Variants in EPHB6 observed in about 807,000 individuals in gnomAD.
The protein encoded by EPHB6 is ephrin type-B receptor 6.
Under a neutral mutation model 107.0 loss-of-function variants are expected in EPHB6, and 51 were observed. The observed-to-expected ratio is 0.48, with a 90% CI of 0.38 to 0.60. EPHB6 has a LOEUF of 0.60. Among genes scored for constraint, EPHB6 ranks in the 20% least tolerant of loss-of-function variants. EPHB6 has a pLI of 0.00. For synonymous variants in EPHB6, 553 were observed against 549.0 expected, an observed-to-expected ratio of 1.01 and a Z score of -0.10; for missense variants, 1,141 against 1,355.5, an observed-to-expected ratio of 0.84 and a Z score of 2.48.
chr7:142,868,133 T>C lies in EPHB6; in HGVS notation c.1918+84T>C. Reference sequence around the variant, plus strand: ...AGGCAAGGCTGGATCCCCCCAAGATTGGGGGAGCTCCTTGGCACAACCTTC... The same window carrying C: ...AGGCAAGGCTGGATCCCCCCAAGATCGGGGGAGCTCCTTGGCACAACCTTC... On this transcript the variant is annotated intron_variant, in intron 13 of 19. Coordinates refer to ENST00000652003, the MANE Select transcript of EPHB6 (RefSeq NM_004445.6). This position sits in a 1 kb window ranked among gnomAD's most constrained non-coding sequence, Gnocchi z 4.2. 1 of 1,613,184 alleles carries C rather than the reference T, an allele frequency of 6.2e-7. No homozygotes were observed. The highest frequency in any genetic ancestry group is 8.5e-7 in the Non-Finnish European group (1 of 1,179,338).
At position 142,869,249 on chromosome 7, in the gene EPHB6, G is replaced by A. The variant is rs747734466; in HGVS notation, c.2460+102G>A. The stretch of plus-strand genomic sequence containing the variant: ...GGAATCTGGGGTAGGTACCTCAGCC[G>A]GGGTGTCATAGTCCCTGAAAGGAGG... On this transcript the variant is annotated intron_variant, in intron 16 of 19. Coordinates refer to ENST00000652003, the MANE Select transcript of EPHB6 (RefSeq NM_004445.6). This position sits in a 1 kb window ranked among gnomAD's most constrained non-coding sequence, Gnocchi z 4.5. 38 of 1,347,248 alleles carry A rather than the reference G, an allele frequency of 2.8e-5. No individual in the cohort carries two copies. Among genetic ancestry groups the A allele is most frequent in the Middle Eastern group, 2.2e-4 (1 of 4,636 alleles). The allele number at this position is 1,347,248 out of a possible 1,614,324, so 83.5% of individuals were successfully genotyped here. A position where few individuals can be genotyped will look rare whatever the true frequency, so the allele number is the denominator to read the frequency against.
chr7:142,867,727 GTC>G lies in EPHB6; in HGVS notation c.1865+6_1865+7del. On this transcript the variant is annotated splice_donor_region_variant and intron_variant, in intron 12 of 19. Transcript: ENST00000652003. The surrounding 1 kb of genome is among the most constrained non-coding windows in gnomAD (Gnocchi z 5.3). ...GCTGGCGGTCGTCTTCCAGCGGTGA[GTC>G]CCCACCCCTGCCCAACTCTGCCCAG... is the stretch of plus-strand genomic sequence containing the variant. 6.2e-7 allele frequency: 1 copy of G among 1,607,656 alleles called. No individual in the cohort carries two copies. The highest frequency in any genetic ancestry group is 8.5e-7 in the Non-Finnish European group (1 of 1,178,028).
At position 142,865,987 on chromosome 7, in the gene EPHB6, G is replaced by C. The variant is rs1336533417; in HGVS notation, c.1133G>C (p.Trp378Ser). The C allele has an allele frequency of 6.2e-7, 1 of 1,613,948 alleles. No homozygotes were observed. The change falls in exon 9 of 20, where the codon TGG becomes TCG. Residue 378 changes from tryptophan to serine, a missense_variant. Trp to Ser is a radical substitution (Grantham distance 177). This residue lies in a region of EPHB6 where 304 missense variants were observed against 295.7 expected (regional missense o/e 1.03). Coordinates refer to ENST00000652003, the MANE Select transcript of EPHB6 (RefSeq NM_004445.6). ...CCTCCATCGGCTCCCCAGGAGCTTT[G>C]GTTTGAGGTGCAAGGCTCAGCACTC... ...TGPPSAPQELWFEVQGSALML... is the reference protein window; with the variant it reads ...TGPPSAPQELSFEVQGSALML...
In EPHB6 at chr7:142,864,355, C is replaced by A. The variant is rs146978351; in HGVS notation, c.555C>A (p.His185Gln). 2.5e-4 allele frequency: 408 copies of A among 1,613,374 alleles called. 1 individual carries two copies. The Middle Eastern group carries it at 4.5e-3, about 18-fold the overall frequency. Residue 185 changes from histidine (H) to glutamine (Q), a missense_variant, in exon 7 of 20, where the codon CAC (histidine) becomes CAA (glutamine). By Grantham distance (24) the His-to-Gln change is conservative. Coordinates refer to ENST00000652003, the MANE Select transcript of EPHB6 (RefSeq NM_004445.6). Reference protein sequence around the residue: ...SSSAAWAVGPHGAGQRAGLQL... With the variant: ...SSSAAWAVGPQGAGQRAGLQL... Reference sequence around the variant, plus strand: ...CTGCAGCGTGGGCTGTGGGACCCCACGGGGCTGGGCAGCGGGCTGGACTGC... The same window carrying A: ...CTGCAGCGTGGGCTGTGGGACCCCAAGGGGCTGGGCAGCGGGCTGGACTGC...
At chr7:142,860,637 C>A (rs958464962) in intron 1 of EPHB6, among the ~76,000 whole-genome samples, 2 of 152,164 alleles carry the variant, frequency 1.3e-5, no homozygotes, top group Non-Finnish European at 2.9e-5. Context: ...GAGCAATTTG[C>A]CATATGGAAA....
intron 1 of EPHB6, among the ~76,000 whole-genome samples, chr7:142,857,072 C>T (rs1484311920): frequency 6.6e-6 from 1 of 152,222 alleles, no homozygotes; most frequent in Non-Finnish European, 1.5e-5. Flanking sequence ...TCCAGAGCCA[C>T]GCATGTCCCC....
Position 142,863,565 on chromosome 7 carries a change from T to C in EPHB6, c.101-66T>C, listed in dbSNP as rs1802953307. The C allele has an allele frequency of 2.6e-6, 4 of 1,564,996 alleles. No individual in the cohort carries two copies. The Admixed American group carries it at 5.0e-5, about 20-fold the overall frequency. On this transcript the variant is annotated intron_variant, in intron 5 of 19. Coordinates refer to ENST00000652003, the MANE Select transcript of EPHB6 (RefSeq NM_004445.6). ...GGCATTCTTTTGTTCGCGGTGGGAATAGAGTAGGGGCTGGCAGTGCTGGCT... is the reference window on the plus strand; with the variant it reads ...GGCATTCTTTTGTTCGCGGTGGGAACAGAGTAGGGGCTGGCAGTGCTGGCT...
chr7:142,865,048 T>C (rs1318668104), intron 7 of EPHB6, among the ~76,000 whole-genome samples: 1 of 152,210 alleles, frequency 6.6e-6, no homozygotes, highest in Non-Finnish European at 1.5e-5. Flanking sequence ...CCAGGGTTAC[T>C]ATGGAATAGA....
At position 142,871,059 on chromosome 7, in the gene EPHB6, C is replaced by G; in HGVS notation, c.*155C>G. On this transcript the variant is annotated 3_prime_UTR_variant, in exon 20 of 20. Transcript: ENST00000652003. Reference sequence around the variant, plus strand: ...CCTGGTCCTCCGCCTCTCCACCAGCCCCCTCCTCATTAAAGGGAAAGAAGG... The same window carrying G: ...CCTGGTCCTCCGCCTCTCCACCAGCGCCCTCCTCATTAAAGGGAAAGAAGG... 2 of 753,182 alleles carry G rather than the reference C, an allele frequency of 2.7e-6. No individual in the cohort carries two copies. The highest frequency in any genetic ancestry group is 2.7e-5 in the East Asian group (1 of 37,262). The allele number at this position is 753,182 out of a possible 1,614,324, so 46.7% of individuals were successfully genotyped here. A position where few individuals can be genotyped will look rare whatever the true frequency, so the allele number is the denominator to read the frequency against.
Position 142,869,118 on chromosome 7 carries a change from A to C in EPHB6, c.2431A>C (p.Lys811Gln). 6.2e-7 allele frequency: 1 copy of C among 1,613,606 alleles called. No individual in the cohort carries two copies. The highest frequency in any genetic ancestry group is 2.2e-5 in the East Asian group (1 of 44,866). The change falls in exon 16 of 20, where the codon AAG (lysine) becomes CAG (glutamine). Residue 811 changes from lysine (K) to glutamine (Q), a missense_variant. Lys to Gln is a moderately conservative substitution (Grantham distance 53). This residue lies in a region of EPHB6 where 616 missense variants were observed against 759.3 expected (regional missense o/e 0.81). Coordinates refer to ENST00000652003, the MANE Select transcript of EPHB6 (RefSeq NM_004445.6). This position sits in a 1 kb window ranked among gnomAD's most constrained non-coding sequence, Gnocchi z 4.5. ...GCTGGTGAATAGCCACTTGGTGTGC[A>C]AGGTGGCCCGTCTTGGCCACAGTCC... ...SVLVNSHLVC[K>Q]VARLGHSPQG...
rs766499559 is a variant in EPHB6, at chr7:142,863,299, C to G, written c.72C>G (p.Leu24=). ...AGMVCSLWVL[L]LVSSVLALEE... is the part of the protein sequence containing the mutation. ...TGGTGTGTAGCCTATGGGTGCTGCTCCTGGTGTCTTCAGTTCTGGCTCTGG... is the reference window on the plus strand; with the variant it reads ...TGGTGTGTAGCCTATGGGTGCTGCTGCTGGTGTCTTCAGTTCTGGCTCTGG... The change falls in exon 5 of 20, where the codon CTC becomes CTG. Residue 24 remains leucine (L), a synonymous_variant. Transcript: ENST00000652003. 1 of 1,613,636 alleles carries G rather than the reference C, an allele frequency of 6.2e-7. No individual in the cohort carries two copies. The highest frequency in any genetic ancestry group is 2.2e-5 in the East Asian group (1 of 44,888).
Position 142,865,566 on chromosome 7 carries a change from C to T in EPHB6, c.1041C>T (p.Pro347=), listed in dbSNP as rs144712301. Residue 347 remains proline (P), a synonymous_variant, in exon 8 of 20, where the codon CCC becomes CCT. Transcript: ENST00000652003. The stretch of plus-strand genomic sequence containing the variant: ...GTCACGCTCCCAACCCAGCAGCCCC[C>T]GTTTGCCCCTGCCTGGAGGGCTTCT... The part of the protein sequence containing the change: ...ARSHAPNPAA[P]VCPCLEGFYR... The T allele has an allele frequency of 1.7e-4, 282 of 1,613,798 alleles. No individual in the cohort carries two copies. In the African/African-American group the frequency reaches 2.7e-3, roughly 15 times the overall value.
rs188945253 is a variant in EPHB6, at chr7:142,864,756, G to T, written c.949+7G>T. 1.0e-4 allele frequency: 168 copies of T among 1,612,778 alleles called. No individual in the cohort carries two copies. In the African/African-American group the frequency reaches 1.8e-3, roughly 18 times the overall value. On this transcript the variant is annotated splice_region_variant and intron_variant, in intron 7 of 19. Transcript: ENST00000652003. The stretch of plus-strand genomic sequence containing the variant: ...GGAGACAAGGCCTGCCAAGGTGAGA[G>T]CCCACTCGTCTTGCACTTGCCCGAC...
Position 142,864,409 on chromosome 7 carries a change from G to T in EPHB6, c.609G>T (p.Gly203=), listed in dbSNP as rs1803028515. 6.2e-7 allele frequency: 1 copy of T among 1,612,540 alleles called. No homozygotes were observed. Among genetic ancestry groups the T allele is most frequent in the East Asian group, 2.2e-5 (1 of 44,864 alleles). ...LQLNVKERSF[G]PLTQRGFYVA... The stretch of plus-strand genomic sequence containing the variant: ...TGAACGTCAAAGAGCGGAGCTTTGG[G>T]CCTCTCACCCAACGCGGCTTCTACG... The change falls in exon 7 of 20, where the codon GGG becomes GGT. Residue 203 remains glycine (G), a synonymous_variant. Transcript: ENST00000652003.
intron 1 of EPHB6, among the ~76,000 whole-genome samples, chr7:142,860,225 A>G (rs951364736): frequency 1.3e-5 from 2 of 152,232 alleles, no homozygotes; most frequent in African/African-American, 4.8e-5. Context: ...TTCTTTGTAC[A>G]GATTACAGAA....
At position 142,869,096 on chromosome 7, in the gene EPHB6, G is replaced by A. The variant is rs749443376; in HGVS notation, c.2409G>A (p.Leu803=). 1.2e-6 allele frequency: 2 copies of A among 1,613,808 alleles called. No homozygotes were observed. The highest frequency in any genetic ancestry group is 1.3e-5 in the African/African-American group (1 of 75,062). ...GCTCGCTGTCTGCCCACAGCGTGCT[G>A]GTGAATAGCCACTTGGTGTGCAAGG... ...VHRSLSAHSV[L]VNSHLVCKVA... The change falls in exon 16 of 20, where the codon CTG becomes CTA. Residue 803 remains leucine, a synonymous_variant. Coordinates refer to ENST00000652003, the MANE Select transcript of EPHB6 (RefSeq NM_004445.6). This position sits in a 1 kb window ranked among gnomAD's most constrained non-coding sequence, Gnocchi z 4.5.
At chr7:142,865,116 T>G (rs1803080723) in intron 7 of EPHB6, among the ~76,000 whole-genome samples, 1 of 152,024 alleles carries the variant, frequency 6.6e-6, no homozygotes, top group Non-Finnish European at 1.5e-5. Context: ...CTGGGCCAGG[T>G]GACAGGGACG....
At position 142,868,221 on chromosome 7, in the gene EPHB6, C is replaced by T. The variant is rs2116465625; in HGVS notation, c.1919-20C>T. On this transcript the variant is annotated intron_variant, in intron 13 of 19. Coordinates refer to ENST00000652003, the MANE Select transcript of EPHB6 (RefSeq NM_004445.6). This position sits in a 1 kb window ranked among gnomAD's most constrained non-coding sequence, Gnocchi z 4.2. ...CCTGCCTTTCACAACACGCTCATAA[C>T]ATACTCCACACCCCTCCAGGACTCG... 6.2e-7 allele frequency: 1 copy of T among 1,614,122 alleles called. No individual in the cohort carries two copies. The highest frequency in any genetic ancestry group is 8.5e-7 in the Non-Finnish European group (1 of 1,180,000).
intron 1 of EPHB6, among the ~76,000 whole-genome samples, chr7:142,859,664 C>A (rs2116386635): frequency 6.6e-6 from 1 of 152,242 alleles, no homozygotes; most frequent in East Asian, 1.9e-4. Flanking sequence ...AACCTTCAGT[C>A]ATCTGGATCT....
Sources: gnomAD v4.1 joint callset for allele counts (sites outside exome capture counted in the v4.1 genomes callset) on GRCh38, gnomAD v4.1.1 for gene constraint, gnomAD v4.1.1 regional missense constraint, Gnocchi (gnomAD v3.1) non-coding constraint, MANE v1.5 for transcripts, NCBI Gene and HGNC (gene_info 2026-07-23, HGNC 2026-07-21) for gene names.